KCP: variants seen among roughly 807,000 people sequenced by gnomAD.
The protein encoded by KCP is kielin/chordin-like protein.
Under a neutral mutation model 212.7 loss-of-function variants are expected in KCP, and 194 were observed. That is an observed-to-expected ratio of 0.91 (90% CI 0.81 to 1.03). The LOEUF (loss-of-function observed/expected upper bound fraction) is 1.03, where lower values mean the gene tolerates loss of function less well. Ranked by LOEUF, KCP falls within the 50% of genes least tolerant of loss-of-function variation. The pLI is 0.00. For missense variants in KCP, 2,080 were observed against 2,162.5 expected, an observed-to-expected ratio of 0.96 and a Z score of 0.76; for synonymous variants, 833 against 865.3, an observed-to-expected ratio of 0.96 and a Z score of 0.65.
Position 128,886,553 on chromosome 7 carries a change from C to T in KCP, c.2777G>A (p.Gly926Asp), listed in dbSNP as rs1198822480. The change falls in exon 26 of 40, where the codon GGC (glycine) becomes GAC (aspartate). Residue 926 changes from glycine to aspartate, a missense_variant. Physicochemically the swap from Gly to Asp is moderately conservative, Grantham distance 94. Coordinates refer to ENST00000610776, the MANE Select transcript of KCP (RefSeq NM_001366122.1). ...CTGCAGCCGCACACAGCTGACCTGGCCAGCCTGTAGGAGATGCAGGGACAC... is the reference window on the plus strand; with the variant it reads ...CTGCAGCCGCACACAGCTGACCTGGTCAGCCTGTAGGAGATGCAGGGACAC... ...GSCEWCRCQAGQVSCVRLQCP... is the reference protein window; with the variant it reads ...GSCEWCRCQADQVSCVRLQCP... The T allele has an allele frequency of 2.6e-6, 4 of 1,551,030 alleles. No individual in the cohort carries two copies. The highest frequency in any genetic ancestry group is 3.5e-6 in the Non-Finnish European group (4 of 1,146,778).
At chr7:128,885,064 C>G (rs1029349008) in intron 27 of KCP, 33 bp downstream of exon 27, 25 of 1,550,236 alleles carry the variant, frequency 1.6e-5, no homozygotes, top group Non-Finnish European at 2.0e-5. Flanking sequence ...GCTCCCTCCT[C>G]GCCTTTCCCC....
At chr7:128,882,161 T>A in intron 29 of KCP, 145 bp from the exon 30 acceptor site, 2 of 615,002 alleles carry the variant, frequency 3.3e-6, no homozygotes, top group Non-Finnish European at 5.8e-6. Context: ...CCAGGGAGGA[T>A]AAGTCCTCTT....
At chr7:128,881,523 C>T (rs945148567) in intron 31 of KCP, 103 bp downstream of exon 31, 18 of 721,944 alleles carry the variant, frequency 2.5e-5, no homozygotes, top group South Asian at 1.2e-4. Flanking sequence ...TTCTAGAAAC[C>T]GAGTACAAAC....
At position 128,879,715 on chromosome 7, in the gene KCP, C is replaced by T; in HGVS notation, c.4044+3G>A. ...CCTTCCTCCACTCCTCGGCTTTGCTCACCGTGACTGCCCCGTCCTGCAGCA... is the reference window on the plus strand; with the variant it reads ...CCTTCCTCCACTCCTCGGCTTTGCTTACCGTGACTGCCCCGTCCTGCAGCA... On this transcript the variant is annotated splice_donor_region_variant and intron_variant, in intron 36 of 39. Transcript: ENST00000610776. 1.3e-6 allele frequency: 2 copies of T among 1,550,186 alleles called. No homozygotes were observed. Among genetic ancestry groups the T allele is most frequent in the African/African-American group, 1.4e-5 (1 of 73,170 alleles).
At position 128,890,921 on chromosome 7, in the gene KCP, G is replaced by T; in HGVS notation, c.2148C>A (p.Cys716Ter). 8.0e-7 allele frequency: 1 copy of T among 1,246,190 alleles called. No individual in the cohort carries two copies. The highest frequency in any genetic ancestry group is 1.0e-6 in the Non-Finnish European group (1 of 1,000,112). 77.2% of individuals were successfully genotyped at this position (1,246,190 alleles called of 1,614,324 possible). A position where few individuals can be genotyped will look rare whatever the true frequency, so the allele number is the denominator to read the frequency against. Residue 716 changes from cysteine (C) to a stop codon, truncating the protein, a stop_gained, in exon 20 of 40, where the codon TGC becomes TGA. Coordinates refer to ENST00000610776, the MANE Select transcript of KCP (RefSeq NM_001366122.1). LOFTEE classifies it high-confidence loss of function. ...APCAHPRQGP[C>*]CPSCDGCLYQ... ...GGGCGTTACCGTCGCAGGAGGGGCA[G>T]CAAGGCCCCTGGCGCGGGTGCGCGC...
In KCP at chr7:128,877,669, G is replaced by A. The variant is rs1281410933; in HGVS notation, c.4433C>T (p.Ser1478Phe). The A allele has an allele frequency of 3.9e-6, 6 of 1,551,374 alleles. No homozygotes were observed. In the South Asian group the frequency reaches 5.9e-5, roughly 15 times the overall value. The change falls in exon 39 of 40, where the codon TCC becomes TTC. Residue 1478 changes from serine to phenylalanine, a missense_variant. Coordinates refer to ENST00000610776, the MANE Select transcript of KCP (RefSeq NM_001366122.1). ...ANARCGVLKS[S>F]PFSRCHAVVP... is the part of the protein sequence containing the mutation. The stretch of plus-strand genomic sequence containing the variant: ...CACAGCATGGCAGCGACTGAATGGG[G>A]AGGACTTCAGCACCCCACACCGGGC...
intron 31 of KCP, 27 bp downstream of exon 31, chr7:128,881,599 G>A: frequency 6.9e-7 from 1 of 1,449,678 alleles, no homozygotes; most frequent in Non-Finnish European, 9.1e-7. Context: ...TCCTCTCTGA[G>A]GGTGGAGGCC....
chr7:128,895,720 T>C (rs928978115), intron 8 of KCP, among the ~76,000 whole-genome samples: 15 of 152,204 alleles, frequency 9.9e-5, no homozygotes, highest in African/African-American at 2.7e-4. Flanking sequence ...AAGATGGCAA[T>C]GAGAGTGACC....
chr7:128,893,000 TCCTCTCC>T lies in KCP; in HGVS notation c.1282_1288del (p.Gly428SerfsTer84), dbSNP rs1326249267. ...CTCCCACTGGACTCCCTCAGCAAAC[TCCTCTCC>T]ATCCAGCTCACAGGCTGTAGTAAGG... On this transcript the variant is annotated frameshift_variant, in exon 14 of 40. Coordinates refer to ENST00000610776, the MANE Select transcript of KCP (RefSeq NM_001366122.1). LOFTEE classifies it high-confidence loss of function. 4 of 973,484 alleles carry T rather than the reference TCCTCTCC, an allele frequency of 4.1e-6. No individual in the cohort carries two copies. Among genetic ancestry groups the T allele is most frequent in the Non-Finnish European group, 6.5e-6 (4 of 619,026 alleles). The allele number at this position is 973,484 out of a possible 1,614,324, so 60.3% of individuals were successfully genotyped here.
chr7:128,891,010 G>A lies in KCP; in HGVS notation c.2059C>T (p.Arg687Cys). 1.5e-6 allele frequency: 2 copies of A among 1,345,280 alleles called. No individual in the cohort carries two copies. Among genetic ancestry groups the A allele is most frequent in the East Asian group, 3.1e-5 (1 of 32,298 alleles). 83.3% of individuals were successfully genotyped at this position (1,345,280 alleles called of 1,614,324 possible). The change falls in exon 20 of 40, where the codon CGC (arginine) becomes TGC (cysteine). Residue 687 changes from arginine to cysteine, a missense_variant. Transcript: ENST00000610776. Reference sequence around the variant, plus strand: ...GAGCCGTCGAGGCAGAGGCAGCGGCGGCAGGGATCGCCGGGCGGGGAGAAG... The same window carrying A: ...GAGCCGTCGAGGCAGAGGCAGCGGCAGCAGGGATCGCCGGGCGGGGAGAAG... ...EYFSPPGDPC[R>C]RCLCLDGSVS...
intron 21 of KCP, chr7:128,890,055 T>C: frequency 2.3e-6 from 1 of 429,510 alleles, no homozygotes; most frequent in Non-Finnish European, 4.3e-6. Context: ...CCGGAGTAGA[T>C]GGAACTACAA....
intron 8 of KCP, among the ~76,000 whole-genome samples, chr7:128,895,904 G>T (rs1307753640): frequency 6.6e-6 from 1 of 152,098 alleles, no homozygotes; most frequent in African/African-American, 2.4e-5. Context: ...CAGCCCTCAG[G>T]GCTGCTCTGT....
In KCP at chr7:128,892,518, G is replaced by T. The variant is rs1794220987; in HGVS notation, c.1617C>A (p.Cys539Ter). The change falls in exon 16 of 40, where the codon TGC (cysteine) becomes TGA (stop). Residue 539 changes from cysteine (C) to a stop codon, truncating the protein, a stop_gained. Transcript: ENST00000610776. LOFTEE classifies it high-confidence loss of function. Reference protein sequence around the residue: ...QSGPGQCCPRCPDCILEEEVF... With the variant: ...QSGPGQCCPR ...GCCCAGTGAGTGCCCACATACCTGG[G>T]CACCTGGGGCAACACTGGCCTGGTC... The T allele has an allele frequency of 5.2e-6, 8 of 1,525,054 alleles. No homozygotes were observed. The highest frequency in any genetic ancestry group is 4.1e-5 in the African/African-American group (3 of 72,846). 94.5% of individuals were successfully genotyped at this position (1,525,054 alleles called of 1,614,324 possible).
chr7:128,910,567 G>A, intron 1 of KCP, 34 bp downstream of exon 1: 3 of 1,502,818 alleles, frequency 2.0e-6, no homozygotes, highest in South Asian at 2.5e-5. Context: ...GGGCGCACCT[G>A]GCCGGACCCC....
At chr7:128,886,782 C>T in intron 24 of KCP, 45 bp from the exon 25 acceptor site, 1 of 1,526,540 alleles carries the variant, frequency 6.6e-7, no homozygotes, top group Non-Finnish European at 8.9e-7. Flanking sequence ...TGCCACCCTG[C>T]CCTGCTCGGC....
chr7:128,882,101 A>G, intron 29 of KCP, 85 bp from the exon 30 acceptor site: 1 of 1,048,948 alleles, frequency 9.5e-7, no homozygotes, highest in Non-Finnish European at 1.4e-6. Context: ...CTGTGTCCCC[A>G]GGTTTCTAAC....
intron 21 of KCP, 45 bp from the exon 22 acceptor site, chr7:128,889,084 G>A (rs1793924098): frequency 7.1e-7 from 1 of 1,413,932 alleles, no homozygotes; most frequent in Non-Finnish European, 9.4e-7. Context: ...GACAGAAAGG[G>A]ATGAGAGGGC....
intron 1 of KCP, among the ~76,000 whole-genome samples, chr7:128,909,961 C>T (rs1234435122): frequency 6.6e-6 from 1 of 152,176 alleles, no homozygotes; most frequent in Non-Finnish European, 1.5e-5. Context: ...ACCTTCTACC[C>T]AATCTAGACT....
rs1399988441 is a variant in KCP, at chr7:128,891,452, A to C, written c.1877T>G (p.Leu626Arg). Reference sequence around the variant, plus strand: ...CCTCCCACCCAGGTGCAGACTCACCAGACAGCGACACAGACGGCAGGGGTC... The same window carrying C: ...CCTCCCACCCAGGTGCAGACTCACCCGACAGCGACACAGACGGCAGGGGTC... Reference protein sequence around the residue: ...PSDPCRLCRCLSGNVQCLARR... With the variant: ...PSDPCRLCRCRSGNVQCLARR... The change falls in exon 18 of 40, where the codon CTG (leucine) becomes CGG (arginine). Residue 626 changes from leucine (L) to arginine (R), a missense_variant and splice_region_variant. Leu to Arg is a moderately radical substitution (Grantham distance 102). Transcript: ENST00000610776. 1.3e-6 allele frequency: 2 copies of C among 1,550,388 alleles called. No individual in the cohort carries two copies. The highest frequency in any genetic ancestry group is 2.0e-5 in the Admixed American group (1 of 50,984).
Sources: gnomAD v4.1 joint callset for allele counts (sites outside exome capture counted in the v4.1 genomes callset) on GRCh38, gnomAD v4.1.1 for gene constraint, MANE v1.5 for transcripts, NCBI Gene and HGNC (gene_info 2026-07-23, HGNC 2026-07-21) for gene names.